The following PRLR variants were observed in gnomAD, a reference collection of about 807,000 sequenced individuals.
The protein encoded by PRLR is prolactin receptor, also known as hPRL receptor.
PRLR carries 13 observed loss-of-function variants against 40.2 expected under a neutral mutation model. That is an observed-to-expected ratio of 0.32 (90% confidence interval 0.21 to 0.51). The LOEUF is 0.51. Among genes scored for constraint, PRLR ranks in the 20% least tolerant of loss-of-function variants. PRLR has a pLI of 0.97. For synonymous variants in PRLR, 269 were observed against 278.7 expected, an observed-to-expected ratio of 0.97 and a Z score of 0.35; for missense variants, 656 against 747.3, an observed-to-expected ratio of 0.88 and a Z score of 1.42.
At chr5:35,090,560 C>G (rs1301388667) in intron 2 of PRLR, among the ~76,000 whole-genome samples, 1 of 151,782 alleles carries the variant, frequency 6.6e-6, no homozygotes, top group Non-Finnish European at 1.5e-5. Context: ...CTAAATTTCT[C>G]TTTAAATTTT....
chr5:35,081,159 G>T (rs1447675893), intron 5 of PRLR: 1 of 152,982 alleles, frequency 6.5e-6, no homozygotes, highest in Non-Finnish European at 1.5e-5. Context: ...CCTGCACGTT[G>T]TGCACATGTA....
At chr5:35,135,775 G>C (rs1361321278) in intron 1 of PRLR, among the ~76,000 whole-genome samples, 1 of 152,170 alleles carries the variant, frequency 6.6e-6, no homozygotes, top group Non-Finnish European at 1.5e-5. Context: ...TCCTGAGGGA[G>C]CCTGCCTTGG....
At chr5:35,072,505 G>GT in intron 6 of PRLR, 70 bp downstream of exon 6, 2 of 1,504,986 alleles carry the variant, frequency 1.3e-6, no homozygotes, top group Non-Finnish European at 1.8e-6. Context: ...GGAATGACCT[G>GT]TTTTCAGTTG....
In PRLR at chr5:35,159,089, T is replaced by G. The variant is rs79364704; in HGVS notation, c.-105-40967A>C. 3.0e-3 allele frequency among the ~76,000 whole-genome samples: 455 copies of G among 151,878 alleles called. 5 individuals are homozygous for G. The highest frequency in any genetic ancestry group is 0.01 in the African/African-American group (426 of 41,430). On this transcript the variant is annotated intron_variant, in intron 1 of 9. Transcript: ENST00000618457. ...CAATGAACCAGCACAAGTGATTGAGTGGGGTGTCATGTTCTACAGCATGGA... is the reference window on the plus strand; with the variant it reads ...CAATGAACCAGCACAAGTGATTGAGGGGGGTGTCATGTTCTACAGCATGGA...
intron 1 of PRLR, among the ~76,000 whole-genome samples, chr5:35,197,358 A>C (rs1195537603): frequency 6.6e-6 from 1 of 152,044 alleles, no homozygotes; most frequent in Non-Finnish European, 1.5e-5. Context: ...TCTGAATCTT[A>C]ATCAACTACA....
chr5:35,072,701 C>T lies in PRLR; in HGVS notation c.417G>A (p.Gln139=). ...PPLELAVEVK[Q]PEDRKPYLWI... The stretch of plus-strand genomic sequence containing the variant: ...ACAGGTAGGGTTTTCTGTCTTCTGG[C>T]TGTTTTACTTCCACAGCCAGCTCCA... The change falls in exon 6 of 10, where the codon CAG becomes CAA. Residue 139 remains glutamine, a synonymous_variant. Transcript: ENST00000618457. The T allele has an allele frequency of 3.7e-6, 6 of 1,614,132 alleles. No homozygotes were observed. Among genetic ancestry groups the T allele is most frequent in the Non-Finnish European group, 5.1e-6 (6 of 1,180,012 alleles).
chr5:35,086,429 C>T (rs1579613685), intron 3 of PRLR, 89 bp from the exon 4 acceptor site: 1 of 1,504,956 alleles, frequency 6.6e-7, no homozygotes, highest in East Asian at 2.3e-5. Flanking sequence ...ATTGATGGAC[C>T]AAAGCCAGCG....
chr5:35,150,038 C>T (rs555025255), intron 1 of PRLR, among the ~76,000 whole-genome samples: 8 of 152,202 alleles, frequency 5.3e-5, no homozygotes, highest in Admixed American at 2.0e-4. Context: ...GCATGCGCCA[C>T]GACGCCCAGC....
chr5:35,066,164 C>A, intron 9 of PRLR, 62 bp from the exon 10 acceptor site: 8 of 1,490,668 alleles, frequency 5.4e-6, no homozygotes, highest in Non-Finnish European at 7.3e-6. Context: ...AAATCAGCAT[C>A]CCTGCTAAGT....
intron 5 of PRLR, chr5:35,081,891 T>C: frequency 5.2e-6 from 1 of 192,990 alleles, no homozygotes; most frequent in Non-Finnish European, 1.1e-5. Flanking sequence ...CTTTTGGGGC[T>C]GGCATCGCCC....
intron 2 of PRLR, among the ~76,000 whole-genome samples, chr5:35,091,504 G>C (rs548438520): frequency 9.8e-5 from 15 of 152,332 alleles, no homozygotes; most frequent in Admixed American, 4.6e-4. Flanking sequence ...TAGATTGTCA[G>C]TCAAATGCCC....
In PRLR at chr5:35,079,016, G is replaced by A. The variant is rs549744843; in HGVS notation, c.373+5454C>T. 5.3e-5 allele frequency among the ~76,000 whole-genome samples: 8 copies of A among 152,280 alleles called. No homozygotes were observed. In the South Asian group the frequency reaches 1.7e-3, roughly 32 times the overall value. On this transcript the variant is annotated intron_variant, in intron 5 of 9. Coordinates refer to ENST00000618457, the MANE Select transcript of PRLR (RefSeq NM_000949.7). The stretch of plus-strand genomic sequence containing the variant: ...TTTGACAAAATTCAACAGCCTTCAT[G>A]CTAAAAACTCTCAATAAACTAGGTA...
intron 1 of PRLR, among the ~76,000 whole-genome samples, chr5:35,193,965 G>A (rs957918702): frequency 6.6e-6 from 1 of 152,144 alleles, no homozygotes; most frequent in African/African-American, 2.4e-5. Context: ...CCTGCAGCAC[G>A]GCTCTGGTTC....
intron 1 of PRLR, among the ~76,000 whole-genome samples, chr5:35,227,004 G>T (rs1165310461): frequency 6.6e-6 from 1 of 152,214 alleles, no homozygotes. Flanking sequence ...AGGTGGTAGA[G>T]AATGAACATT....
chr5:35,188,593 G>A (rs1214175771), intron 1 of PRLR, among the ~76,000 whole-genome samples: 1 of 152,176 alleles, frequency 6.6e-6, no homozygotes, highest in East Asian at 1.9e-4. Flanking sequence ...TGGAGAACGG[G>A]AAAGAAAAAT....
At chr5:35,050,742 G>T (rs1053625596), downstream of PRLR, among the ~76,000 whole-genome samples, 4 of 152,124 alleles carry the variant, frequency 2.6e-5, no homozygotes, top group Non-Finnish European at 5.9e-5. Context: ...AGTCCAGTAA[G>T]GCTCTGAAGA....
intron 2 of PRLR, 98 bp downstream of exon 2, chr5:35,117,963 T>A: frequency 1.7e-6 from 1 of 591,628 alleles, no homozygotes; most frequent in Non-Finnish European, 2.1e-6. Context: ...GAGATGATAT[T>A]CTGTAAACCA....
intron 1 of PRLR, among the ~76,000 whole-genome samples, chr5:35,229,440 C>T (rs947816066): frequency 6.6e-6 from 1 of 152,124 alleles, no homozygotes; most frequent in Non-Finnish European, 1.5e-5. Context: ...AGGTAGAGGT[C>T]ACTAAAAGGA....
chr5:35,122,831 G>A (rs867136606), intron 1 of PRLR, among the ~76,000 whole-genome samples: 2 of 152,194 alleles, frequency 1.3e-5, no homozygotes, highest in African/African-American at 4.8e-5. Flanking sequence ...CATGGGCCTT[G>A]TTTAGGAGTA....
Sources: gnomAD v4.1 joint callset for allele counts (sites outside exome capture counted in the v4.1 genomes callset) on GRCh38, gnomAD v4.1.1 for gene constraint, MANE v1.5 for transcripts, NCBI Gene and HGNC (gene_info 2026-07-23, HGNC 2026-07-21) for gene names.